Variants in RPS6KC1 observed in about 807,000 individuals in gnomAD.
The protein encoded by RPS6KC1 is inactive ribosomal protein S6 kinase delta-1.
Under a neutral mutation model 103.8 loss-of-function variants are expected in RPS6KC1, and 54 were observed. That is an observed-to-expected ratio of 0.52 (90% CI 0.42 to 0.65). The LOEUF (loss-of-function observed/expected upper bound fraction) is 0.65, where lower values mean the gene tolerates loss of function less well. Ranked by LOEUF, RPS6KC1 falls within the 30% of genes least tolerant of loss-of-function variation. The pLI is 0.00. For missense variants in RPS6KC1, 1,151 were observed against 1,253.8 expected (o/e 0.92, Z 1.24); for synonymous variants, 439 against 438.7 (o/e 1.00, Z -0.01).
At chr1:213,671,884 A>G in the RPS6KC1 span, among the ~76,000 whole-genome samples, 2 of 152,192 alleles carry the variant, frequency 1.3e-5, no homozygotes, top group African/African-American at 2.4e-5. Context: ...CACAGTGTAT[A>G]TAAGTATTGA....
chr1:213,448,577 C>T, the RPS6KC1 span, among the ~76,000 whole-genome samples: 21 of 152,182 alleles, frequency 1.4e-4, no homozygotes, highest in African/African-American at 4.1e-4. Context: ...CTGGTCCCAG[C>T]GCCGGTGGGG....
chr1:213,674,683 T>A, the RPS6KC1 span, among the ~76,000 whole-genome samples: 1 of 152,360 alleles, frequency 6.6e-6, no homozygotes, highest in East Asian at 1.9e-4. Flanking sequence ...CTGGGTTGAA[T>A]GGTAGTTATA....
chr1:213,329,607 T>C, the RPS6KC1 span, among the ~76,000 whole-genome samples: 1 of 151,530 alleles, frequency 6.6e-6, no homozygotes, highest in African/African-American at 2.4e-5. Context: ...ATAAGCCTCA[T>C]ATCCCTTCAT....
chr1:213,137,795 ATATATTTTT>A (rs1174844814), intron 6 of RPS6KC1, among the ~76,000 whole-genome samples: 3 of 39,908 alleles, frequency 7.5e-5, no homozygotes, highest in African/African-American at 2.2e-4. Flanking sequence ...ATATATATAT[ATATATTTTT>A]TTTTTTTTTT....
the RPS6KC1 span, among the ~76,000 whole-genome samples, chr1:213,300,081 A>G: frequency 6.6e-6 from 1 of 152,162 alleles, no homozygotes; most frequent in Non-Finnish European, 1.5e-5. Context: ...CTGGGATTAC[A>G]GGCGTGAGCC....
chr1:213,458,819 AG>A, the RPS6KC1 span, among the ~76,000 whole-genome samples: 1 of 152,180 alleles, frequency 6.6e-6, no homozygotes, highest in Non-Finnish European at 1.5e-5. Flanking sequence ...TGTAGCATGA[AG>A]GGGTGTTGAA....
the RPS6KC1 span, among the ~76,000 whole-genome samples, chr1:213,392,391 G>A: frequency 6.6e-6 from 1 of 152,060 alleles, no homozygotes; most frequent in African/African-American, 2.4e-5. Context: ...AGGGTGGCAC[G>A]ATACAAGCAG....
At chr1:213,620,116 A>G in the RPS6KC1 span, among the ~76,000 whole-genome samples, 2 of 152,228 alleles carry the variant, frequency 1.3e-5, no homozygotes, top group Non-Finnish European at 2.9e-5. Context: ...TGTCATCTAT[A>G]GTGCTGTACA....
chr1:213,444,972 A>G, the RPS6KC1 span, among the ~76,000 whole-genome samples: 1 of 152,174 alleles, frequency 6.6e-6, no homozygotes, highest in Admixed American at 6.5e-5. Context: ...CATTACCTCA[A>G]AAAGAAACCC....
chr1:213,366,119 G>A, the RPS6KC1 span, among the ~76,000 whole-genome samples: 14,285 of 152,260 alleles, frequency 0.094, 895 homozygotes, highest in Non-Finnish European at 0.14. Flanking sequence ...CTCCCTGCTT[G>A]TCCATCTCGC....
chr1:213,612,166 A>G, the RPS6KC1 span, among the ~76,000 whole-genome samples: 3 of 152,186 alleles, frequency 2.0e-5, no homozygotes, highest in African/African-American at 4.8e-5. Flanking sequence ...GACCTACTGA[A>G]TCTGAATCTC....
At chr1:213,370,039 A>G in the RPS6KC1 span, among the ~76,000 whole-genome samples, 2 of 152,158 alleles carry the variant, frequency 1.3e-5, no homozygotes, top group Non-Finnish European at 1.5e-5. Flanking sequence ...TGTGTTGAGG[A>G]CATAGGATGG....
chr1:213,115,162 G>A (rs1232819750), intron 4 of RPS6KC1, among the ~76,000 whole-genome samples: 3 of 152,056 alleles, frequency 2.0e-5, no homozygotes, highest in Non-Finnish European at 4.4e-5. Context: ...GGTAGAATTC[G>A]GCTGTGAATC....
chr1:213,419,999 G>A, the RPS6KC1 span, among the ~76,000 whole-genome samples: 783 of 152,306 alleles, frequency 5.1e-3, 4 homozygotes, highest in African/African-American at 0.018. Context: ...TAGTTGATGC[G>A]GAGAAGAGAA....
the RPS6KC1 span, among the ~76,000 whole-genome samples, chr1:213,809,046 C>A: frequency 6.6e-5 from 10 of 152,202 alleles, no homozygotes; most frequent in Non-Finnish European, 1.5e-5. Flanking sequence ...AGAGACTTAG[C>A]TTTTGGCCTA....
At chr1:213,472,930 G>A in the RPS6KC1 span, among the ~76,000 whole-genome samples, 1 of 152,184 alleles carries the variant, frequency 6.6e-6, no homozygotes, top group African/African-American at 2.4e-5. Context: ...CATATCAGAA[G>A]GTAAACATCC....
the RPS6KC1 span, chr1:213,818,377 A>C: frequency 6.6e-6 from 1 of 152,566 alleles, no homozygotes; most frequent in Non-Finnish European, 1.5e-5. Flanking sequence ...GTGCTACTCC[A>C]GTGAACACAG....
the RPS6KC1 span, among the ~76,000 whole-genome samples, chr1:213,575,668 T>A: frequency 6.6e-6 from 1 of 152,298 alleles, no homozygotes; most frequent in South Asian, 2.1e-4. Flanking sequence ...CTCTTTCCTT[T>A]ATAAATTACC....
chr1:213,079,903 ATTTTTTCTTTTTTTCTT>A (rs1231862843), intron 3 of RPS6KC1, among the ~76,000 whole-genome samples: 1 of 142,016 alleles, frequency 7.0e-6, no homozygotes, highest in Non-Finnish European at 1.5e-5. Context: ...AGCTTATACC[ATTTTTTCTTTTTTTCTT>A]TTTTTTTTTT....
Sources: allele counts gnomAD v4.1 joint callset (sites outside exome capture counted in the v4.1 genomes callset), GRCh38; gene constraint gnomAD v4.1.1; transcripts MANE v1.5; gene names NCBI Gene and HGNC (gene_info 2026-07-23, HGNC 2026-07-21).